NANOS3: variants seen among roughly 807,000 people sequenced by gnomAD.
The protein encoded by NANOS3 is nanos homolog 3.
NANOS3 carries 11 observed loss-of-function variants against 13.8 expected under a neutral mutation model. That is an observed-to-expected ratio of 0.80 (90% confidence interval 0.50 to 1.32). The LOEUF (loss-of-function observed/expected upper bound fraction) is 1.32. Ranked by LOEUF, NANOS3 falls within the 40% of genes most tolerant of loss-of-function variation. NANOS3 has a pLI of 0.00. For synonymous variants in NANOS3, 119 were observed against 115.4 expected (o/e 1.03, Z -0.20); for missense variants, 221 against 263.8 (o/e 0.84, Z 1.12).
chr19:13,863,393 A>G (rs933617627), upstream of NANOS3, among the ~76,000 whole-genome samples: 1 of 151,330 alleles, frequency 6.6e-6, no homozygotes, highest in Non-Finnish European at 1.5e-5. Context: ...TTTTAATTTT[A>G]TTTTTGTAGA....
At chr19:13,879,663 G>GGCTGCAGTGAGCTGAGATGGTGCC (rs1968590315) in intron 1 of NANOS3, among the ~76,000 whole-genome samples, 2 of 152,084 alleles carry the variant, frequency 1.3e-5, no homozygotes, top group Middle Eastern at 3.2e-3. Context: ...AGGGGACAGA[G>GGCTGCAGTGAGCTGAGATGGTGCC]GCTGCAGTGA....
intron 1 of NANOS3, among the ~76,000 whole-genome samples, chr19:13,865,926 C>G (rs1318019602): frequency 6.6e-6 from 1 of 151,884 alleles, no homozygotes; most frequent in East Asian, 2.0e-4. Flanking sequence ...GAGTACGGCC[C>G]GGCGCGCGCG....
upstream of NANOS3, chr19:13,865,290 C>CG (rs1351383803): frequency 6.9e-6 from 1 of 145,592 alleles, no homozygotes; most frequent in Non-Finnish European, 1.5e-5. Flanking sequence ...CGGCCCCCTC[C>CG]CCCCCCCCGC....
chr19:13,870,029 G>C lies in NANOS3; in HGVS notation n.21+4592G>C, dbSNP rs1976302505. Among the ~76,000 whole-genome samples, 3 of 151,276 alleles carry C rather than the reference G, an allele frequency of 2.0e-5. No homozygotes were observed. In the South Asian group the frequency reaches 6.2e-4, roughly 31 times the overall value. On this transcript the variant is annotated intron_variant and non_coding_transcript_variant, in intron 1 of 2. Transcript: ENST00000591161. Reference sequence around the variant, plus strand: ...GGGAGCTTGGAGACCTGGCCTTCTAGCCATGCCCACCTTGTTCTTCAACTA... The same window carrying C: ...GGGAGCTTGGAGACCTGGCCTTCTACCCATGCCCACCTTGTTCTTCAACTA...
intron 1 of NANOS3, among the ~76,000 whole-genome samples, chr19:13,878,280 C>T (rs1175218020): frequency 4.1e-5 from 6 of 145,970 alleles, no homozygotes; most frequent in East Asian, 2.1e-4. Flanking sequence ...TTTCTGTCAC[C>T]CAGGCTGGAG....
At chr19:13,874,127 T>TC (rs1395703559), upstream of NANOS3, among the ~76,000 whole-genome samples, 26 of 152,080 alleles carry the variant, frequency 1.7e-4, no homozygotes, top group Non-Finnish European at 3.7e-4. Context: ...CTCCTGCCTC[T>TC]CCCCTGTCTA....
chr19:13,871,367 G>A (rs1167931969), intron 1 of NANOS3, among the ~76,000 whole-genome samples: 1 of 152,196 alleles, frequency 6.6e-6, no homozygotes, highest in Non-Finnish European at 1.5e-5. Context: ...CAAGAGACAG[G>A]TGGACCCAGA....
At chr19:13,864,962 G>A (rs374179628), upstream of NANOS3, among the ~76,000 whole-genome samples, 1 of 152,070 alleles carries the variant, frequency 6.6e-6, no homozygotes, top group Non-Finnish European at 1.5e-5. Flanking sequence ...GCCTTTGTGC[G>A]CGTGTGCTCC....
chr19:13,878,847 T>A (rs1260098737), intron 1 of NANOS3, among the ~76,000 whole-genome samples: 1 of 152,096 alleles, frequency 6.6e-6, no homozygotes, highest in Non-Finnish European at 1.5e-5. Context: ...AAACACGGCT[T>A]AGGTGATCCT....
intron 1 of NANOS3, chr19:13,865,518 G>A (rs1395543806): frequency 6.9e-6 from 1 of 145,362 alleles, no homozygotes; most frequent in Non-Finnish European, 1.5e-5. Context: ...GGGGCGGGGC[G>A]GGACGCGGCC....
upstream of NANOS3, among the ~76,000 whole-genome samples, chr19:13,872,195 A>G (rs1017363930): frequency 6.6e-6 from 1 of 151,990 alleles, no homozygotes; most frequent in African/African-American, 2.4e-5. Context: ...AAATACAAAA[A>G]TTAGCTGGCC....
chr19:13,873,643 A>AT (rs958048678), upstream of NANOS3, among the ~76,000 whole-genome samples: 1 of 151,526 alleles, frequency 6.6e-6, no homozygotes, highest in Non-Finnish European at 1.5e-5. Context: ...CACCCAGCTA[A>AT]TTTTTTTGTA....
intron 1 of NANOS3, among the ~76,000 whole-genome samples, chr19:13,870,636 C>T (rs530601786): frequency 5.1e-4 from 72 of 140,436 alleles, no homozygotes; most frequent in African/African-American, 1.4e-3. Flanking sequence ...GGCTCAATCT[C>T]GGCTCACTGC....
Position 13,877,513 on chromosome 19 carries a change from A to G in NANOS3, c.265A>G (p.Ile89Val). ...FCKHNGESRA[I>V]YQSHVLKDEA... ...CAAACACAACGGCGAGTCCCGGGCCATCTACCAGTCCCACGTGCTGAAGGA... is the reference window on the plus strand; with the variant it reads ...CAAACACAACGGCGAGTCCCGGGCCGTCTACCAGTCCCACGTGCTGAAGGA... Residue 89 changes from isoleucine to valine, a missense_variant, in exon 1 of 2, where the codon ATC (isoleucine) becomes GTC (valine). Ile to Val is a conservative substitution (Grantham distance 29, BLOSUM62 3). Coordinates refer to ENST00000339133, the MANE Select transcript of NANOS3 (RefSeq NM_001098622.3). 6.2e-7 allele frequency: 1 copy of G among 1,612,026 alleles called. No homozygotes were observed. The highest frequency in any genetic ancestry group is 8.5e-7 in the Non-Finnish European group (1 of 1,180,004).
At chr19:13,874,750 G>C (rs778257817), upstream of NANOS3, 1 of 534,372 alleles carries the variant, frequency 1.9e-6, no homozygotes, top group Admixed American at 1.9e-5. Flanking sequence ...GGTGAGTTTG[G>C]GCAGCTCAGG....
At chr19:13,874,569 C>T (rs1968470638), upstream of NANOS3, 7 of 377,938 alleles carry the variant, frequency 1.9e-5, 1 homozygote, top group Non-Finnish European at 2.8e-5. Context: ...TTTCCCAGAT[C>T]TAGGTGCAAA....
chr19:13,868,362 A>C (rs538271364), intron 1 of NANOS3, among the ~76,000 whole-genome samples: 38 of 151,958 alleles, frequency 2.5e-4, no homozygotes, highest in African/African-American at 9.2e-4. Flanking sequence ...TCCGGCCCCA[A>C]TACTCATTTA....
chr19:13,862,354 G>A (rs554336887), upstream of NANOS3, among the ~76,000 whole-genome samples: 59 of 152,198 alleles, frequency 3.9e-4, 1 homozygote, highest in South Asian at 0.012. Context: ...GGGAGGAGGG[G>A]GAGGAGACTG....
intron 1 of NANOS3, among the ~76,000 whole-genome samples, chr19:13,867,229 C>T (rs1436823926): frequency 6.6e-6 from 1 of 152,124 alleles, no homozygotes; most frequent in Admixed American, 6.6e-5. Flanking sequence ...GTGTGAACCG[C>T]CGCACCCGGC....
Sources: allele counts gnomAD v4.1 joint callset (sites outside exome capture counted in the v4.1 genomes callset), GRCh38; gene constraint gnomAD v4.1.1; transcripts MANE v1.5; gene names NCBI Gene and HGNC (gene_info 2026-07-23, HGNC 2026-07-21).